INPP4B: variants seen among roughly 807,000 people sequenced by gnomAD.
The protein encoded by INPP4B is inositol polyphosphate-4-phosphatase type II B.
Under a neutral mutation model 122.5 loss-of-function variants are expected in INPP4B, and 55 were observed. That is an observed-to-expected ratio of 0.45 (90% CI 0.36 to 0.56). The LOEUF (loss-of-function observed/expected upper bound fraction) is 0.56. INPP4B is among the 20% of genes least tolerant of loss of function. The probability of loss-of-function intolerance (pLI) is 0.00; values close to 1 mark genes in which losing one functional copy is unlikely to be tolerated. For missense variants in INPP4B, 1,000 were observed against 1,097.7 expected (o/e 0.91, Z 1.26); for synonymous variants, 403 against 388.7 (o/e 1.04, Z -0.43).
Position 142,097,225 on chromosome 4 carries a change from T to TTTTTATTTTATTTTATTTTA in INPP4B, c.2374+10848_2374+10867dup, listed in dbSNP as rs376210499. 4.3e-3 allele frequency among the ~76,000 whole-genome samples: 583 copies of TTTTTATTTTATTTTATTTTA among 135,522 alleles called. 11 individuals carry two copies. The highest frequency in any genetic ancestry group is 0.015 in the African/African-American group (534 of 35,260). The allele number at this position is 135,522 out of a possible 152,430, so 88.9% of individuals were successfully genotyped here. ...TCCATTTTTTGTTTATTTTATGTTA[T>TTTTTATTTTATTTTATTTTA]TTTTATTTTATTTTATTTTATTTTA... On this transcript the variant is annotated intron_variant, in intron 23 of 25. Coordinates refer to ENST00000262992, the MANE Select transcript of INPP4B (RefSeq NM_001101669.3).
chr4:142,769,527 T>G (rs1240076835), intron 1 of INPP4B, among the ~76,000 whole-genome samples: 1 of 152,214 alleles, frequency 6.6e-6, no homozygotes, highest in Non-Finnish European at 1.5e-5. Context: ...GGGTGTTTAA[T>G]GATATGATGT....
chr4:142,210,468 G>C (rs1844439223), intron 12 of INPP4B, among the ~76,000 whole-genome samples: 1 of 152,074 alleles, frequency 6.6e-6, no homozygotes, highest in African/African-American at 2.4e-5. Context: ...AAAAAATCAT[G>C]ACCAAAAGAG....
At chr4:142,821,301 G>A (rs990062981) in intron 1 of INPP4B, among the ~76,000 whole-genome samples, 1 of 152,002 alleles carries the variant, frequency 6.6e-6, no homozygotes, top group African/African-American at 2.4e-5. Context: ...TTATCATGGA[G>A]CAGTTAGATT....
At chr4:142,458,169 T>A (rs539282466) in intron 3 of INPP4B, among the ~76,000 whole-genome samples, 21 of 152,008 alleles carry the variant, frequency 1.4e-4, no homozygotes, top group Non-Finnish European at 2.8e-4. Context: ...AATATGTAAG[T>A]AAAAGGTGGC....
chr4:142,581,903 TGA>T (rs1256671832), intron 2 of INPP4B, among the ~76,000 whole-genome samples: 1 of 151,974 alleles, frequency 6.6e-6, no homozygotes, highest in Admixed American at 6.6e-5. Context: ...ATGGCTGGCA[TGA>T]GAGAGGCTCA....
At chr4:142,538,416 A>G (rs781045213) in intron 2 of INPP4B, among the ~76,000 whole-genome samples, 27 of 152,114 alleles carry the variant, frequency 1.8e-4, no homozygotes, top group Admixed American at 6.6e-5. Context: ...TATGCATGTG[A>G]GTATATATAT....
intron 2 of INPP4B, among the ~76,000 whole-genome samples, chr4:142,520,565 G>A (rs898006302): frequency 2.8e-4 from 42 of 151,806 alleles, no homozygotes; most frequent in African/African-American, 9.7e-4. Flanking sequence ...TATTAAAATT[G>A]TACCCTTGCT....
chr4:142,582,735 C>T (rs1184455280), intron 2 of INPP4B, among the ~76,000 whole-genome samples: 2 of 152,142 alleles, frequency 1.3e-5, no homozygotes, highest in Non-Finnish European at 2.9e-5. Flanking sequence ...AAGCACAGTG[C>T]AGCTTCCCCA....
At chr4:142,052,013 C>T (rs1229622107) in intron 25 of INPP4B, among the ~76,000 whole-genome samples, 1 of 151,900 alleles carries the variant, frequency 6.6e-6, no homozygotes, top group Admixed American at 6.6e-5. Context: ...CTTCATTTTT[C>T]TTTGATGGTT....
intron 23 of INPP4B, chr4:142,096,292 A>T (rs1781754415): frequency 6.6e-6 from 1 of 152,202 alleles, no homozygotes; most frequent in South Asian, 2.1e-4. Flanking sequence ...AGAAAATCTA[A>T]GTTTGTACCT....
At chr4:142,067,688 A>G (rs1413127784) in intron 25 of INPP4B, among the ~76,000 whole-genome samples, 1 of 152,220 alleles carries the variant, frequency 6.6e-6, no homozygotes, top group Non-Finnish European at 1.5e-5. Context: ...ACACATGCAC[A>G]AGCTTCAGTA....
At chr4:142,166,916 T>C (rs878899710) in intron 16 of INPP4B, among the ~76,000 whole-genome samples, 1 of 151,608 alleles carries the variant, frequency 6.6e-6, no homozygotes, top group Non-Finnish European at 1.5e-5. Flanking sequence ...TGTGGAGAAA[T>C]AGGAACACTT....
In INPP4B at chr4:142,333,437, C is replaced by A. The variant is rs551082520; in HGVS notation, c.373-18675G>T. 3.3e-5 allele frequency among the ~76,000 whole-genome samples: 5 copies of A among 152,292 alleles called. No homozygotes were observed. In the South Asian group the frequency reaches 1.0e-3, roughly 32 times the overall value. ...ATGTTTTCTAAAAGACCAAATCTTT[C>A]CTTTCTCGCTTTTATCTCTCATATT... On this transcript the variant is annotated intron_variant, in intron 7 of 25. Transcript: ENST00000262992.
chr4:142,062,329 A>C (rs1761399575), intron 25 of INPP4B, among the ~76,000 whole-genome samples: 1 of 151,706 alleles, frequency 6.6e-6, no homozygotes, highest in Non-Finnish European at 1.5e-5. Flanking sequence ...ACCAGGGAGA[A>C]TCACAGAGCT....
chr4:142,334,983 C>T (rs13148429), intron 7 of INPP4B, among the ~76,000 whole-genome samples: 21 of 151,826 alleles, frequency 1.4e-4, no homozygotes, highest in Non-Finnish European at 7.4e-5. Flanking sequence ...TAGGGAGCAT[C>T]TACATCTGGG....
At chr4:142,404,695 C>T (rs1243333525) in intron 6 of INPP4B, among the ~76,000 whole-genome samples, 1 of 152,060 alleles carries the variant, frequency 6.6e-6, no homozygotes, top group East Asian at 1.9e-4. Flanking sequence ...AGTTGAAAGA[C>T]AGACAAACAA....
chr4:142,716,552 G>T (rs1763797290), intron 2 of INPP4B, among the ~76,000 whole-genome samples: 3 of 152,122 alleles, frequency 2.0e-5, no homozygotes, highest in African/African-American at 7.2e-5. Flanking sequence ...CCTAAAAGAA[G>T]AATCTTTCTC....
chr4:142,540,416 A>T (rs538781455), intron 2 of INPP4B, among the ~76,000 whole-genome samples: 37 of 152,052 alleles, frequency 2.4e-4, no homozygotes, highest in African/African-American at 8.9e-4. Context: ...CTCAGGAGCT[A>T]TCACATCTGA....
chr4:142,649,981 C>T (rs1752597048), intron 2 of INPP4B, among the ~76,000 whole-genome samples: 1 of 152,140 alleles, frequency 6.6e-6, no homozygotes, highest in Non-Finnish European at 1.5e-5. Flanking sequence ...GTTGGGTTAC[C>T]CACAAAGGGA....
Sources: allele counts gnomAD v4.1 joint callset (sites outside exome capture counted in the v4.1 genomes callset), GRCh38; gene constraint gnomAD v4.1.1; transcripts MANE v1.5; gene names NCBI Gene and HGNC (gene_info 2026-07-23, HGNC 2026-07-21).